CCDC180: variants seen among roughly 807,000 people sequenced by gnomAD.
The protein encoded by CCDC180 is coiled-coil domain containing 180.
In CCDC180, 154 loss-of-function variants were observed where a neutral mutation model predicts 209.2. That is an observed-to-expected ratio of 0.74 (90% CI 0.65 to 0.84). The LOEUF is 0.84. Among genes scored for constraint, CCDC180 ranks in the 40% least tolerant of loss-of-function variants. The pLI, the probability that CCDC180 is intolerant of heterozygous loss-of-function variation, is 0.00. For synonymous variants in CCDC180, 778 were observed against 749.1 expected (o/e 1.04, Z -0.63); for missense variants, 1,874 against 1,997.3 (o/e 0.94, Z 1.18).
intron 25 of CCDC180, chr9:97,357,926 C>T: frequency 2.0e-6 from 1 of 493,308 alleles, no homozygotes; most frequent in East Asian, 3.5e-5. Flanking sequence ...CACTGTTCAC[C>T]TCCAACCCCT....
intron 16 of CCDC180, among the ~76,000 whole-genome samples, chr9:97,329,120 A>G (rs1240611827): frequency 6.6e-6 from 1 of 152,182 alleles, no homozygotes; most frequent in East Asian, 1.9e-4. Flanking sequence ...CTCTCCTCCC[A>G]GAAGAGATTC....
intron 9 of CCDC180, among the ~76,000 whole-genome samples, 192 bp downstream of exon 9, chr9:97,317,420 A>C (rs923918336): frequency 3.3e-5 from 5 of 152,238 alleles, no homozygotes; most frequent in Admixed American, 2.0e-4. Context: ...CCACAGTGAG[A>C]AGCACAGCAA....
At chr9:97,357,427 A>C (rs1314148549) in intron 24 of CCDC180, among the ~76,000 whole-genome samples, 200 bp from the exon 25 acceptor site, 1 of 152,134 alleles carries the variant, frequency 6.6e-6, no homozygotes, top group African/African-American at 2.4e-5. Context: ...TGGGGTGCCA[A>C]TTTTGCTTGA....
At chr9:97,330,245 T>G in intron 17 of CCDC180, 52 bp downstream of exon 17, 1 of 1,611,248 alleles carries the variant, frequency 6.2e-7, no homozygotes, top group Middle Eastern at 1.7e-4. Flanking sequence ...CTCTTACGCG[T>G]TTGTGGGTTG....
chr9:97,354,143 A>C lies in CCDC180; in HGVS notation c.3003-426A>C, dbSNP rs146812094. ...CTCCCAAGTAGTTGGAATCACAGGC[A>C]CATGCCACCACACCTGGCTAATTTT... On this transcript the variant is annotated intron_variant, in intron 22 of 36. Coordinates refer to ENST00000529487, the MANE Select transcript of CCDC180 (RefSeq NM_020893.6). 3.9e-5 allele frequency among the ~76,000 whole-genome samples: 6 copies of C among 151,988 alleles called. No homozygotes were observed. In the East Asian group the frequency reaches 1.2e-3, roughly 29 times the overall value.
chr9:97,314,005 A>G (rs1340362243), intron 5 of CCDC180, among the ~76,000 whole-genome samples: 1 of 152,264 alleles, frequency 6.6e-6, no homozygotes, highest in East Asian at 1.9e-4. Context: ...TCCCAACTAG[A>G]TGCCAGGTCT....
rs902025058 is a variant in CCDC180, at chr9:97,347,479, C to T, written c.2664C>T (p.Asn888=). ...AGCAGATTGAAAAAGACATCCACAACGTCAGGGCAGGTACAGATGCTGCCT... is the reference window on the plus strand; with the variant it reads ...AGCAGATTGAAAAAGACATCCACAATGTCAGGGCAGGTACAGATGCTGCCT... ...RAQQIEKDIH[N]VRAAELLLHQ... is the part of the protein sequence containing the mutation. Residue 888 remains asparagine, a synonymous_variant, in exon 20 of 37, where the codon AAC becomes AAT. Transcript: ENST00000529487. The T allele has an allele frequency of 2.3e-5, 35 of 1,535,980 alleles. No homozygotes were observed. Among genetic ancestry groups the T allele is most frequent in the Admixed American group, 5.9e-5 (3 of 50,980 alleles).
At chr9:97,375,674 A>G (rs1827235616) in intron 36 of CCDC180, 85 bp downstream of exon 36, 1 of 1,568,018 alleles carries the variant, frequency 6.4e-7, no homozygotes, top group South Asian at 1.1e-5. Flanking sequence ...ATCACCCGGC[A>G]CCCAACATTT....
chr9:97,312,604 A>G (rs956688764), intron 4 of CCDC180, among the ~76,000 whole-genome samples: 5 of 152,166 alleles, frequency 3.3e-5, no homozygotes, highest in African/African-American at 1.2e-4. Context: ...AAGAAAAACA[A>G]AGGAAGGAGA....
Position 97,320,596 on chromosome 9 carries a change from A to G in CCDC180, c.1159+391A>G, listed in dbSNP as rs115616096. On this transcript the variant is annotated intron_variant, in intron 11 of 36. Coordinates refer to ENST00000529487, the MANE Select transcript of CCDC180 (RefSeq NM_020893.6). ...AAAATCAGGGCCTCTGGTAGCCTCA[A>G]TGTCCTCCTCTGTAAAATAGGGATG... is the stretch of plus-strand genomic sequence containing the variant. 8.4e-3 allele frequency among the ~76,000 whole-genome samples: 1,282 copies of G among 152,274 alleles called. 18 individuals carry two copies. Among genetic ancestry groups the G allele is most frequent in the African/African-American group, 0.029 (1,196 of 41,538 alleles).
intron 18 of CCDC180, among the ~76,000 whole-genome samples, chr9:97,334,756 A>G (rs1477503336): frequency 2.0e-5 from 3 of 152,216 alleles, no homozygotes; most frequent in African/African-American, 7.2e-5. Flanking sequence ...ATGGTAACAT[A>G]AGGAACAAAA....
chr9:97,371,783 C>G, intron 34 of CCDC180, 77 bp downstream of exon 34: 1 of 798,250 alleles, frequency 1.3e-6, no homozygotes. Flanking sequence ...TCTGCTTTCC[C>G]CAACTCTATC....
chr9:97,365,747 C>G lies in CCDC180; in HGVS notation c.4047+8C>G. On this transcript the variant is annotated splice_region_variant and intron_variant, in intron 30 of 36. Coordinates refer to ENST00000529487, the MANE Select transcript of CCDC180 (RefSeq NM_020893.6). ...CTGCTGACAGTCGCAGAGGTGAGGACCACCACCCATGGCCTGTGCCTGCCC... is the reference window on the plus strand; with the variant it reads ...CTGCTGACAGTCGCAGAGGTGAGGAGCACCACCCATGGCCTGTGCCTGCCC... 1 of 1,613,340 alleles carries G rather than the reference C, an allele frequency of 6.2e-7. No homozygotes were observed. The highest frequency in any genetic ancestry group is 8.5e-7 in the Non-Finnish European group (1 of 1,179,526).
At chr9:97,372,551 C>G (rs1288676126) in intron 34 of CCDC180, 1 of 152,196 alleles carries the variant, frequency 6.6e-6, no homozygotes, top group African/African-American at 2.4e-5. Flanking sequence ...GGAAGCAACA[C>G]TAACATTGAT....
chr9:97,370,229 C>A, intron 32 of CCDC180, 147 bp downstream of exon 32: 1 of 854,136 alleles, frequency 1.2e-6, no homozygotes, highest in South Asian at 1.8e-5. Flanking sequence ...GGACAGGAGC[C>A]ATTGGCGAAA....
At position 97,377,472 on chromosome 9, in the gene CCDC180, C is replaced by T. The variant is rs1004760210; in HGVS notation, c.*578C>T. ...TCCTCCAGCCTGCCAGTCTCTTGTT[C>T]GTCAACTCTCTTCTTCAATTACATG... On this transcript the variant is annotated 3_prime_UTR_variant, in exon 37 of 37. Coordinates refer to ENST00000529487, the MANE Select transcript of CCDC180 (RefSeq NM_020893.6). 3.9e-5 allele frequency: 6 copies of T among 152,294 alleles called. No homozygotes were observed. The highest frequency in any genetic ancestry group is 1.4e-4 in the African/African-American group (6 of 41,424). 9.4% of individuals were successfully genotyped at this position (152,294 alleles called of 1,614,324 possible).
In CCDC180 at chr9:97,371,597, A is replaced by G. The variant is rs1379269463; in HGVS notation, c.4491A>G (p.Glu1497=). ...TGTGCTCACCATGTTTTTTCCAGGA[A>G]TGTACCAGAAGGAATGGCCAGGTTT... ...MIRMNKEKLE[E]CTRRNGQVFI... The change falls in exon 34 of 37, where the codon GAA becomes GAG. Residue 1497 remains glutamate, a splice_region_variant and synonymous_variant. Transcript: ENST00000529487. The G allele has an allele frequency of 6.3e-7, 1 of 1,596,964 alleles. No homozygotes were observed. The highest frequency in any genetic ancestry group is 2.2e-5 in the East Asian group (1 of 44,478).
intron 19 of CCDC180, among the ~76,000 whole-genome samples, chr9:97,346,336 C>A (rs1018423839): frequency 6.6e-6 from 1 of 152,218 alleles, no homozygotes; most frequent in Admixed American, 6.5e-5. Flanking sequence ...CATAAGACAT[C>A]TGCTGCGATG....
chr9:97,322,883 A>T lies in CCDC180; in HGVS notation c.1210A>T (p.Thr404Ser). The T allele has an allele frequency of 6.2e-7, 1 of 1,614,136 alleles. No individual in the cohort carries two copies. The highest frequency in any genetic ancestry group is 1.1e-5 in the South Asian group (1 of 91,074). The change falls in exon 12 of 37, where the codon ACA becomes TCA. Residue 404 changes from threonine to serine, a missense_variant. Thr to Ser is a moderately conservative substitution (Grantham distance 58). Transcript: ENST00000529487. ...GCGGATCCGCCTGCTGTATGAGAAG[A>T]CATGGCAGGAGTGCCTGATGCATGT... ...MMRIRLLYEK[T>S]WQECLMHVQN...
Sources: allele counts gnomAD v4.1 joint callset (sites outside exome capture counted in the v4.1 genomes callset), GRCh38; gene constraint gnomAD v4.1.1; transcripts MANE v1.5; gene names NCBI Gene and HGNC (gene_info 2026-07-23, HGNC 2026-07-21).